The following ADGRV1 variants were observed in gnomAD, a reference collection of about 807,000 sequenced individuals.
The protein encoded by ADGRV1 is G-protein coupled receptor 98.
ADGRV1 carries 359 observed loss-of-function variants against 596.2 expected under a neutral mutation model. The observed-to-expected ratio is 0.60, with a 90% confidence interval of 0.55 to 0.66. The LOEUF is 0.66. Ranked by LOEUF, ADGRV1 falls within the 30% of genes least tolerant of loss-of-function variation. The probability of loss-of-function intolerance (pLI) is 0.00; values close to 1 mark genes in which losing one functional copy is unlikely to be tolerated. For missense variants in ADGRV1, 7,274 were observed against 7,575.6 expected (o/e 0.96, Z 1.48); for synonymous variants, 2,681 against 2,679.2 (o/e 1.00, Z -0.02).
In ADGRV1 at chr5:90,725,708, T is replaced by C. The variant is rs1580888539; in HGVS notation, c.10161+52T>C. 12 of 987,642 alleles carry C rather than the reference T, an allele frequency of 1.2e-5. No homozygotes were observed. The East Asian group carries it at 2.7e-4, about 22-fold the overall frequency. The allele number at this position is 987,642 out of a possible 1,614,324, so 61.2% of individuals were successfully genotyped here. On this transcript the variant is annotated intron_variant, in intron 48 of 89. Transcript: ENST00000405460. ...TTTTTTTTTGCTTTTCTTTTTAACA[T>C]TATAATTGAAATTTACCAAAGGTAT...
intron 31 of ADGRV1, 26 bp downstream of exon 31, chr5:90,691,067 G>A (rs775631913): frequency 6.2e-7 from 1 of 1,613,274 alleles, no homozygotes; most frequent in Non-Finnish European, 8.5e-7. Context: ...AGTATAGAAT[G>A]ACACTGTAAA....
intron 10 of ADGRV1, among the ~76,000 whole-genome samples, chr5:90,636,018 T>C (rs1360100073): frequency 6.6e-6 from 1 of 152,132 alleles, no homozygotes; most frequent in East Asian, 1.9e-4. Flanking sequence ...TTGGGCCTTA[T>C]GCTTGATGAT....
intron 85 of ADGRV1, among the ~76,000 whole-genome samples, chr5:91,043,833 A>G (rs1046905121): frequency 1.1e-4 from 16 of 151,794 alleles, no homozygotes; most frequent in Admixed American, 2.0e-4. Context: ...CTCCTCAAAT[A>G]GGCCTTTCCT....
chr5:90,847,473 G>A (rs1232051952), intron 78 of ADGRV1, among the ~76,000 whole-genome samples: 1 of 152,234 alleles, frequency 6.6e-6, no homozygotes, highest in African/African-American at 2.4e-5. Flanking sequence ...TCCCGCACCA[G>A]GGCTGCAGGT....
intron 27 of ADGRV1, among the ~76,000 whole-genome samples, chr5:90,681,697 G>A (rs1470145709): frequency 6.6e-6 from 1 of 152,044 alleles, no homozygotes; most frequent in African/African-American, 2.4e-5. Flanking sequence ...ACATAATGGA[G>A]CTGTACTACA....
At chr5:90,889,380 A>G (rs1244840159) in intron 83 of ADGRV1, among the ~76,000 whole-genome samples, 1 of 152,152 alleles carries the variant, frequency 6.6e-6, no homozygotes, top group African/African-American at 2.4e-5. Context: ...TGGTCTCTTA[A>G]CAGGCCTCTC....
chr5:91,059,106 A>G (rs1787170088), intron 85 of ADGRV1, among the ~76,000 whole-genome samples: 2 of 152,248 alleles, frequency 1.3e-5, no homozygotes, highest in African/African-American at 4.8e-5. Context: ...GGGCTTAGCA[A>G]TAGACGACAG....
chr5:90,814,990 A>G (rs1410794616), intron 74 of ADGRV1, among the ~76,000 whole-genome samples: 1 of 148,522 alleles, frequency 6.7e-6, no homozygotes, highest in African/African-American at 2.5e-5. Context: ...CAGTTTAAAC[A>G]TTTTTTTTTT....
At chr5:90,984,182 CATT>C (rs1241538122) in intron 84 of ADGRV1, among the ~76,000 whole-genome samples, 1 of 152,010 alleles carries the variant, frequency 6.6e-6, no homozygotes, top group Non-Finnish European at 1.5e-5. Flanking sequence ...TAAAGTATAA[CATT>C]AATGAGTATG....
At chr5:90,891,659 T>C (rs996201637) in intron 83 of ADGRV1, among the ~76,000 whole-genome samples, 3 of 152,048 alleles carry the variant, frequency 2.0e-5, no homozygotes, top group Non-Finnish European at 2.9e-5. Flanking sequence ...CAAAATTAAT[T>C]AGATCAATAA....
chr5:91,027,801 G>C (rs930713642), intron 85 of ADGRV1, among the ~76,000 whole-genome samples: 1 of 152,148 alleles, frequency 6.6e-6, no homozygotes, highest in African/African-American at 2.4e-5. Context: ...GCTTTTTCCT[G>C]TGTTGTACAA....
Position 90,674,034 on chromosome 5 carries a change from C to T in ADGRV1, c.4930-20C>T. On this transcript the variant is annotated intron_variant, in intron 22 of 89. Transcript: ENST00000405460. Reference sequence around the variant, plus strand: ...CTAAATGCCTCATTGCTTAGTGCCTCTGGATATTTATATTTTTAGGTTCTG... The same window carrying T: ...CTAAATGCCTCATTGCTTAGTGCCTTTGGATATTTATATTTTTAGGTTCTG... 1 of 1,574,714 alleles carries T rather than the reference C, an allele frequency of 6.4e-7. No individual in the cohort carries two copies. Among genetic ancestry groups the T allele is most frequent in the Non-Finnish European group, 8.7e-7 (1 of 1,149,350 alleles).
intron 43 of ADGRV1, 163 bp downstream of exon 43, chr5:90,716,892 CT>C (rs1357664340): frequency 3.7e-6 from 2 of 545,556 alleles, no homozygotes; most frequent in Non-Finnish European, 6.4e-6. Context: ...TGCTGTAGTT[CT>C]ATTTACTCTG....
At position 90,823,589 on chromosome 5, in the gene ADGRV1, C is replaced by T; in HGVS notation, c.16361C>T (p.Pro5454Leu). Residue 5454 changes from proline to leucine, a missense_variant, in exon 76 of 90, where the codon CCA (proline) becomes CTA (leucine). Pro to Leu is a moderately conservative substitution (Grantham distance 98). Coordinates refer to ENST00000405460, the MANE Select transcript of ADGRV1 (RefSeq NM_032119.4). ...TGCTTTATCAGCATTGAACTCAAAC[C>T]AGAAAAGGTAAGAAATGAAGAGACA... Reference protein sequence around the residue: ...TKCFISIELKPEKVPQVEVYF... With the variant: ...TKCFISIELKLEKVPQVEVYF... 1 of 1,613,304 alleles carries T rather than the reference C, an allele frequency of 6.2e-7. No individual in the cohort carries two copies. The highest frequency in any genetic ancestry group is 8.5e-7 in the Non-Finnish European group (1 of 1,179,478).
chr5:90,813,614 G>T (rs956091113), intron 74 of ADGRV1, among the ~76,000 whole-genome samples: 1 of 152,114 alleles, frequency 6.6e-6, no homozygotes, highest in African/African-American at 2.4e-5. Flanking sequence ...GCAAATGACC[G>T]ATACCCTACC....
chr5:90,658,797 C>G (rs1769808168), intron 21 of ADGRV1, among the ~76,000 whole-genome samples: 1 of 151,630 alleles, frequency 6.6e-6, no homozygotes, highest in Non-Finnish European at 1.5e-5. Flanking sequence ...GGCTGTCTTA[C>G]TGTCCTTATC....
intron 2 of ADGRV1, chr5:90,617,498 T>TTTATTAGA (rs1763518237): frequency 1.1e-5 from 2 of 184,752 alleles, no homozygotes; most frequent in Non-Finnish European, 2.2e-5. Context: ...TTATTAGAGA[T>TTTATTAGA]GAGGTTTCAC....
At chr5:91,068,959 A>G (rs144017345) in intron 85 of ADGRV1, among the ~76,000 whole-genome samples, 3,086 of 152,306 alleles carry the variant, frequency 0.02, 42 homozygotes, top group Non-Finnish European at 0.031. Flanking sequence ...GACCAATAGA[A>G]TAAGTTAGAA....
chr5:90,627,669 T>C lies in ADGRV1; in HGVS notation c.1131T>C (p.Ser377=). Residue 377 remains serine (S), a synonymous_variant, in exon 7 of 90, where the codon TCT becomes TCC. Coordinates refer to ENST00000405460, the MANE Select transcript of ADGRV1 (RefSeq NM_032119.4). ...LQGDAVLISP[S]VVQVTIKPND... is the part of the protein sequence containing the mutation. The stretch of plus-strand genomic sequence containing the variant: ...GAGATGCTGTGCTAATAAGCCCTTC[T>C]GTTGTACAAGTCACCATTAAGCCAA... 1.2e-6 allele frequency: 2 copies of C among 1,613,848 alleles called. No individual in the cohort carries two copies. Among genetic ancestry groups the C allele is most frequent in the Non-Finnish European group, 1.7e-6 (2 of 1,179,768 alleles).
Sources: allele counts gnomAD v4.1 joint callset (sites outside exome capture counted in the v4.1 genomes callset), GRCh38; gene constraint gnomAD v4.1.1; transcripts MANE v1.5; gene names NCBI Gene and HGNC (gene_info 2026-07-23, HGNC 2026-07-21).